Variants in CACNA1A observed in about 807,000 individuals in gnomAD.
The protein encoded by CACNA1A is voltage-dependent P/Q-type calcium channel subunit alpha-1A.
Under a neutral mutation model 262.4 loss-of-function variants are expected in CACNA1A, and 57 were observed. The ratio of observed to expected loss-of-function variants is 0.22; its 90% confidence interval spans 0.18 to 0.27. The LOEUF (loss-of-function observed/expected upper bound fraction) is 0.27. Ranked by LOEUF, CACNA1A falls within the 10% of genes least tolerant of loss-of-function variation. The pLI, the probability that CACNA1A is intolerant of heterozygous loss-of-function variation, is 1.00. For synonymous variants in CACNA1A, 1,431 were observed against 1,419.3 expected, an observed-to-expected ratio of 1.01 and a Z score of -0.18; for missense variants, 2,526 against 3,562.8, an observed-to-expected ratio of 0.71 and a Z score of 7.41.
intron 3 of CACNA1A, among the ~76,000 whole-genome samples, chr19:13,384,369 G>A (rs141289145): frequency 9.9e-5 from 15 of 152,244 alleles, no homozygotes; most frequent in Admixed American, 3.3e-4. Context: ...GGAGGAGACT[G>A]GTGTGGAGAA....
intron 3 of CACNA1A, among the ~76,000 whole-genome samples, chr19:13,393,138 A>C (rs1374986760): frequency 6.6e-6 from 1 of 152,206 alleles, no homozygotes; most frequent in Non-Finnish European, 1.5e-5. Flanking sequence ...GGTCCTAGGA[A>C]TATCTCCCAT....
chr19:13,298,622 C>A lies in CACNA1A; in HGVS notation c.3011G>T (p.Arg1004Met). ...EGPDGGERRR[R>M]HRHGAPATYE... ...CGTGGCTGGAGCGCCATGCCGGTGC[C>A]TTCTCCTGCGCTCGCCCCCGTCGGG... The change falls in exon 19 of 47, where the codon AGG becomes ATG. Residue 1004 changes from arginine (R) to methionine (M), a missense_variant. Physicochemically the swap from Arg to Met is moderately conservative, Grantham distance 91. Transcript: ENST00000360228. The A allele has an allele frequency of 6.5e-7, 1 of 1,533,260 alleles. No individual in the cohort carries two copies. 95.0% of individuals were successfully genotyped at this position (1,533,260 alleles called of 1,614,324 possible). A position where few individuals can be genotyped will look rare whatever the true frequency, so the allele number is the denominator to read the frequency against.
At chr19:13,496,022 A>C (rs1457365283) in intron 1 of CACNA1A, among the ~76,000 whole-genome samples, 2 of 149,234 alleles carry the variant, frequency 1.3e-5, no homozygotes, top group Non-Finnish European at 3.0e-5. Flanking sequence ...CCATCCATCC[A>C]CTCATCCATG....
At chr19:13,360,432 A>G (rs990472548) in intron 5 of CACNA1A, among the ~76,000 whole-genome samples, 9 of 150,076 alleles carry the variant, frequency 6.0e-5, no homozygotes, top group Middle Eastern at 3.4e-3. Context: ...TGTTTCATCT[A>G]TTCCTCTGTA....
chr19:13,467,890 C>A (rs902246568), intron 1 of CACNA1A, among the ~76,000 whole-genome samples: 1 of 152,110 alleles, frequency 6.6e-6, no homozygotes, highest in African/African-American at 2.4e-5. Context: ...CAGGCATGAG[C>A]CACCATACCC....
chr19:13,483,018 T>C (rs901465540), intron 1 of CACNA1A, among the ~76,000 whole-genome samples: 2 of 152,122 alleles, frequency 1.3e-5, no homozygotes, highest in African/African-American at 4.8e-5. Flanking sequence ...ATCTCTTAAT[T>C]TGATTCTTGG....
chr19:13,503,468 A>AT (rs1039522363), intron 1 of CACNA1A, among the ~76,000 whole-genome samples: 12 of 150,132 alleles, frequency 8.0e-5, no homozygotes, highest in South Asian at 4.2e-4. Flanking sequence ...ATGCTGAAAC[A>AT]TTTTTTTTTA....
Position 13,309,000 on chromosome 19 carries a change from T to C in CACNA1A, c.1669-472A>G, listed in dbSNP as rs2057962592. On this transcript the variant is annotated intron_variant, in intron 12 of 46. Coordinates refer to ENST00000360228, the MANE Select transcript of CACNA1A (RefSeq NM_001127222.2). The surrounding 1 kb of genome is among the most constrained non-coding windows in gnomAD (Gnocchi z 4.2). Reference sequence around the variant, plus strand: ...CTGCACCCGGCCTCTTATTTATTTATTTATTTTTATTTATTCATTTATTTT... The same window carrying C: ...CTGCACCCGGCCTCTTATTTATTTACTTATTTTTATTTATTCATTTATTTT... 6.6e-6 allele frequency among the ~76,000 whole-genome samples: 1 copy of C among 151,718 alleles called. No homozygotes were observed. Among genetic ancestry groups the C allele is most frequent in the Non-Finnish European group, 1.5e-5 (1 of 67,954 alleles).
chr19:13,455,064 T>G (rs1175320583), intron 2 of CACNA1A, 43 bp downstream of exon 2: 2 of 1,250,758 alleles, frequency 1.6e-6, no homozygotes, highest in South Asian at 1.2e-5. Context: ...ATTAATGTCC[T>G]GCTAAAGCCA....
At chr19:13,216,488 C>T (rs2055015114) in intron 38 of CACNA1A, among the ~76,000 whole-genome samples, 1 of 152,044 alleles carries the variant, frequency 6.6e-6, no homozygotes, top group African/African-American at 2.4e-5. Context: ...CAGACATCTG[C>T]CTGGCTATTT....
chr19:13,240,174 G>C (rs923847906), intron 31 of CACNA1A, among the ~76,000 whole-genome samples: 27 of 150,590 alleles, frequency 1.8e-4, no homozygotes, highest in Non-Finnish European at 3.3e-4. Flanking sequence ...AAAAGAGCGA[G>C]AGAGAGAGAG....
At chr19:13,282,484 C>T (rs1383327242) in intron 22 of CACNA1A, among the ~76,000 whole-genome samples, 1 of 152,204 alleles carries the variant, frequency 6.6e-6, no homozygotes, top group Non-Finnish European at 1.5e-5. Context: ...GCACTCATTC[C>T]TGCTTGTCAG....
chr19:13,413,895 A>AG (rs1555783333), intron 3 of CACNA1A, among the ~76,000 whole-genome samples: 14 of 119,216 alleles, frequency 1.2e-4, no homozygotes, highest in African/African-American at 5.7e-4. Flanking sequence ...GAAAGAAAGA[A>AG]AAAGAAAGAA....
intron 11 of CACNA1A, 174 bp downstream of exon 11, chr19:13,316,938 T>C (rs1006161234): frequency 2.4e-5 from 13 of 536,406 alleles, no homozygotes; most frequent in Admixed American, 9.5e-5. Context: ...ATGGGTTCCA[T>C]TGTCATAGCA....
chr19:13,471,033 T>A (rs917289883), intron 1 of CACNA1A, among the ~76,000 whole-genome samples: 1 of 152,204 alleles, frequency 6.6e-6, no homozygotes, highest in Non-Finnish European at 1.5e-5. Context: ...CTTCCTTGCC[T>A]CTTCCCGCTT....
chr19:13,240,650 C>T (rs903944770), intron 31 of CACNA1A, among the ~76,000 whole-genome samples: 16 of 147,564 alleles, frequency 1.1e-4, no homozygotes, highest in Non-Finnish European at 1.6e-4. Context: ...TGCGCAGTGA[C>T]TGTGTGTGTG....
chr19:13,217,927 CTTTTTTTTTTT>C (rs33920209), intron 38 of CACNA1A, among the ~76,000 whole-genome samples: 17 of 91,528 alleles, frequency 1.9e-4, no homozygotes, highest in Non-Finnish European at 2.8e-4. Flanking sequence ...ATAGTTCATT[CTTTTTTTTTTT>C]TTTTTTTTTT....
At chr19:13,412,622 C>T (rs765395204) in intron 3 of CACNA1A, among the ~76,000 whole-genome samples, 4 of 151,720 alleles carry the variant, frequency 2.6e-5, no homozygotes, top group Non-Finnish European at 5.9e-5. Flanking sequence ...AGACTACAGG[C>T]GCGTGCCACC....
intron 1 of CACNA1A, among the ~76,000 whole-genome samples, chr19:13,503,116 C>A (rs1025594629): frequency 2.6e-5 from 4 of 152,104 alleles, no homozygotes; most frequent in Non-Finnish European, 5.9e-5. Flanking sequence ...AGAAATGACA[C>A]AAATGCCCAT....
Sources: gnomAD v4.1 joint callset for allele counts (sites outside exome capture counted in the v4.1 genomes callset) on GRCh38, gnomAD v4.1.1 for gene constraint, Gnocchi (gnomAD v3.1) non-coding constraint, MANE v1.5 for transcripts, NCBI Gene and HGNC (gene_info 2026-07-23, HGNC 2026-07-21) for gene names.